The following LHFPL6 variants were observed in gnomAD, a reference collection of about 807,000 sequenced individuals.
LHFPL6 encodes LHFPL tetraspan subfamily member 6 protein.
Under a neutral mutation model 20.6 loss-of-function variants are expected in LHFPL6, and 9 were observed. That is an observed-to-expected ratio of 0.44 (90% CI 0.26 to 0.76). The LOEUF (loss-of-function observed/expected upper bound fraction) is 0.76, where lower values mean the gene tolerates loss of function less well. LHFPL6 is among the 30% of genes least tolerant of loss of function. LHFPL6 has a pLI of 0.20. For missense variants in LHFPL6, 218 were observed against 253.5 expected (o/e 0.86, Z 0.95); for synonymous variants, 105 against 98.7 (o/e 1.06, Z -0.38).
At chr13:39,516,625 AG>A (rs1333408708) in intron 2 of LHFPL6, among the ~76,000 whole-genome samples, 1 of 152,264 alleles carries the variant, frequency 6.6e-6, no homozygotes, top group Non-Finnish European at 1.5e-5. Flanking sequence ...TATATAATGC[AG>A]GAATCAACAG....
At chr13:39,393,606 G>A (rs1435583117) in intron 2 of LHFPL6, among the ~76,000 whole-genome samples, 1 of 152,166 alleles carries the variant, frequency 6.6e-6, no homozygotes, top group Non-Finnish European at 1.5e-5. Flanking sequence ...TGGTGAGGAT[G>A]GGGTCAATGA....
At chr13:39,356,414 G>T (rs1249077169) in intron 3 of LHFPL6, among the ~76,000 whole-genome samples, 1 of 152,114 alleles carries the variant, frequency 6.6e-6, no homozygotes, top group Non-Finnish European at 1.5e-5. Flanking sequence ...CCTACATCAA[G>T]AAGTTAGAAA....
At chr13:39,386,789 CAA>C (rs1870575689) in intron 2 of LHFPL6, among the ~76,000 whole-genome samples, 1 of 152,216 alleles carries the variant, frequency 6.6e-6, no homozygotes, top group Non-Finnish European at 1.5e-5. Flanking sequence ...TGGCCAGACT[CAA>C]AGACATTTCT....
chr13:39,542,641 A>G (rs2138505136), intron 2 of LHFPL6, among the ~76,000 whole-genome samples: 1 of 152,302 alleles, frequency 6.6e-6, no homozygotes, highest in African/African-American at 2.4e-5. Flanking sequence ...TCTTTTTGCC[A>G]TTGTGGGAAT....
chr13:39,388,226 T>C (rs1308519680), intron 2 of LHFPL6, among the ~76,000 whole-genome samples: 1 of 152,232 alleles, frequency 6.6e-6, no homozygotes, highest in African/African-American at 2.4e-5. Context: ...TAAAATGTTT[T>C]TCAAAATGGT....
At chr13:39,375,689 CAA>C (rs59712573) in intron 3 of LHFPL6, among the ~76,000 whole-genome samples, 12 of 129,550 alleles carry the variant, frequency 9.3e-5, no homozygotes, top group Admixed American at 1.6e-4. Flanking sequence ...GTCTTTGTCT[CAA>C]AAAAAAAAAA....
intron 2 of LHFPL6, among the ~76,000 whole-genome samples, chr13:39,389,062 C>G (rs1399239433): frequency 6.6e-6 from 1 of 152,180 alleles, no homozygotes; most frequent in Non-Finnish European, 1.5e-5. Flanking sequence ...GGAGAAGAGA[C>G]TCCTGCAATA....
At chr13:39,397,242 G>T (rs181677079) in intron 2 of LHFPL6, among the ~76,000 whole-genome samples, 8 of 152,142 alleles carry the variant, frequency 5.3e-5, no homozygotes, top group Admixed American at 2.0e-4. Flanking sequence ...ATGGCCCCAA[G>T]AAGAGACATA....
At chr13:39,387,961 C>T (rs539774426) in intron 2 of LHFPL6, among the ~76,000 whole-genome samples, 3 of 152,182 alleles carry the variant, frequency 2.0e-5, no homozygotes, top group South Asian at 2.1e-4. Context: ...TCCTGGGGGC[C>T]GGTGAGTGAG....
At chr13:39,407,468 T>C (rs917700195) in intron 2 of LHFPL6, among the ~76,000 whole-genome samples, 1 of 152,208 alleles carries the variant, frequency 6.6e-6, no homozygotes, top group Non-Finnish European at 1.5e-5. Flanking sequence ...CTATTCTTGA[T>C]CCTTCCCAGG....
intron 2 of LHFPL6, among the ~76,000 whole-genome samples, chr13:39,573,148 G>C (rs549113297): frequency 6.6e-6 from 1 of 152,238 alleles, no homozygotes; most frequent in African/African-American, 2.4e-5. Flanking sequence ...AGATACAACA[G>C]TATTTTAGGT....
At chr13:39,519,687 A>G (rs1469551647) in intron 2 of LHFPL6, among the ~76,000 whole-genome samples, 1 of 152,212 alleles carries the variant, frequency 6.6e-6, no homozygotes, top group Non-Finnish European at 1.5e-5. Context: ...CCGAGAATAA[A>G]AGTTACAATC....
intron 3 of LHFPL6, among the ~76,000 whole-genome samples, chr13:39,364,061 C>T (rs1038110376): frequency 2.0e-5 from 3 of 152,174 alleles, no homozygotes; most frequent in Admixed American, 6.5e-5. Context: ...ATCACACATG[C>T]GATCCATCAT....
intron 2 of LHFPL6, among the ~76,000 whole-genome samples, chr13:39,509,838 T>G (rs916633532): frequency 6.6e-6 from 1 of 152,104 alleles, no homozygotes; most frequent in African/African-American, 2.4e-5. Flanking sequence ...CATGTGCCTG[T>G]AGTCCCAGCT....
chr13:39,466,705 C>T (rs1331383042), intron 2 of LHFPL6, among the ~76,000 whole-genome samples: 1 of 152,176 alleles, frequency 6.6e-6, no homozygotes, highest in African/African-American at 2.4e-5. Context: ...TCATTCTCAT[C>T]CCCATATACA....
At chr13:39,401,637 C>T (rs1870993374) in intron 2 of LHFPL6, among the ~76,000 whole-genome samples, 1 of 152,168 alleles carries the variant, frequency 6.6e-6, no homozygotes, top group South Asian at 2.1e-4. Context: ...CACAAAAGTA[C>T]CATGAGTTCT....
chr13:39,415,263 A>AT (rs1294505802), intron 2 of LHFPL6, among the ~76,000 whole-genome samples: 1 of 152,238 alleles, frequency 6.6e-6, no homozygotes, highest in Non-Finnish European at 1.5e-5. Context: ...GCAGAGTGAA[A>AT]TAACTCAGCT....
chr13:39,369,870 A>G (rs1429574779), intron 3 of LHFPL6, among the ~76,000 whole-genome samples: 1 of 152,022 alleles, frequency 6.6e-6, no homozygotes, highest in Non-Finnish European at 1.5e-5. Context: ...GGATCTGCAA[A>G]ACTGTGTTTA....
In LHFPL6 at chr13:39,357,071, C is replaced by T. The variant is rs200141470; in HGVS notation, c.485-13017G>A. Among the ~76,000 whole-genome samples, 3 of 152,092 alleles carry T rather than the reference C, an allele frequency of 2.0e-5. No homozygotes were observed. In the East Asian group the frequency reaches 5.8e-4, roughly 29 times the overall value. ...CCTATAGTTCCAACTACTAGGGAGG[C>T]TGAGGTGACAGGATGGCTTGAACCT... On this transcript the variant is annotated intron_variant, in intron 3 of 3. Coordinates refer to ENST00000379589, the MANE Select transcript of LHFPL6 (RefSeq NM_005780.3).
Sources: gnomAD v4.1 joint callset for allele counts (sites outside exome capture counted in the v4.1 genomes callset) on GRCh38, gnomAD v4.1.1 for gene constraint, MANE v1.5 for transcripts, NCBI Gene and HGNC (gene_info 2026-07-23, HGNC 2026-07-21) for gene names.